The following EPHA4 variants were observed in gnomAD, a reference collection of about 807,000 sequenced individuals.
EPHA4 encodes the protein ephrin type-A receptor 4.
A neutral mutation model predicts 108.3 loss-of-function variants in EPHA4; 19 were observed. The ratio of observed to expected loss-of-function variants is 0.18; its 90% CI spans 0.12 to 0.26. EPHA4 has a LOEUF of 0.26. Among genes scored for constraint, EPHA4 ranks in the 10% least tolerant of loss-of-function variants. The probability of loss-of-function intolerance (pLI) is 1.00; values close to 1 mark genes in which losing one functional copy is unlikely to be tolerated. For missense variants in EPHA4, 917 were observed against 1,254.0 expected (o/e 0.73, Z 4.06); for synonymous variants, 449 against 455.5 (o/e 0.99, Z 0.18).
chr2:221,491,620 CTCA>C (rs1440433468), intron 4 of EPHA4, among the ~76,000 whole-genome samples: 1 of 152,072 alleles, frequency 6.6e-6, no homozygotes, highest in African/African-American at 2.4e-5. Flanking sequence ...TCAATTTCAC[CTCA>C]CTTCCCTGCC....
rs545540617 is a variant in EPHA4 at position 221,544,235 on chromosome 2, C to A, written c.823+19496G>T. Among the ~76,000 whole-genome samples, 98 of 152,322 alleles carry A rather than the reference C, an allele frequency of 6.4e-4. No individual in the cohort carries two copies. In the Middle Eastern group the frequency reaches 0.014, roughly 21 times the overall value. ...CAAGCTACACTGTTATCACAAGAAA[C>A]CCACACAGGTGTGAACACAGAAACC... On this transcript the variant is annotated intron_variant, in intron 3 of 17. Transcript: ENST00000281821.
At chr2:221,478,222 A>AC (rs1372520129) in intron 5 of EPHA4, among the ~76,000 whole-genome samples, 3 of 150,502 alleles carry the variant, frequency 2.0e-5, no homozygotes, top group Non-Finnish European at 3.0e-5. Context: ...CTTTTTAACA[A>AC]AAAAAAAATA....
At chr2:221,442,368 T>C (rs1039834206) in intron 11 of EPHA4, among the ~76,000 whole-genome samples, 1 of 152,178 alleles carries the variant, frequency 6.6e-6, no homozygotes. Context: ...GCAACAGCCA[T>C]AAATCAGGCA....
chr2:221,493,820 A>T (rs1181544141), intron 4 of EPHA4, among the ~76,000 whole-genome samples: 1 of 152,248 alleles, frequency 6.6e-6, no homozygotes, highest in Non-Finnish European at 1.5e-5. Flanking sequence ...TTGATAACGT[A>T]AACCTGGAGA....
At chr2:221,488,274 C>T (rs193228955) in intron 4 of EPHA4, among the ~76,000 whole-genome samples, 4 of 152,260 alleles carry the variant, frequency 2.6e-5, no homozygotes, top group Admixed American at 2.6e-4. Flanking sequence ...CTGGCACCCT[C>T]AGAATTCTGC....
chr2:221,482,327 A>G (rs1487565370), intron 5 of EPHA4, 25 bp downstream of exon 5: 2 of 1,551,224 alleles, frequency 1.3e-6, no homozygotes, highest in Admixed American at 3.6e-5. Context: ...TTCAGATCAT[A>G]CAATAAAGTA....
intron 5 of EPHA4, among the ~76,000 whole-genome samples, chr2:221,478,215 T>C (rs868674543): frequency 6.8e-6 from 1 of 146,472 alleles, no homozygotes; most frequent in South Asian, 2.2e-4. Context: ...TCACAGCCTT[T>C]TTAACAAAAA....
intron 3 of EPHA4, among the ~76,000 whole-genome samples, chr2:221,561,275 T>C (rs981578098): frequency 2.7e-5 from 4 of 150,096 alleles, no homozygotes; most frequent in Non-Finnish European, 4.4e-5. Context: ...ATAAATAAAG[T>C]CTCACTCAAG....
rs955544204 is a variant in EPHA4, at chr2:221,475,837, A to G, written c.1318+6515T>C. ...AAGCCAATATTCGTGGGTTGTCCCA[A>G]TCTGGAGGATTCGATTTGGCCCTTG... On this transcript the variant is annotated intron_variant, in intron 5 of 17. Transcript: ENST00000281821. Among the ~76,000 whole-genome samples, 3 of 152,240 alleles carry G rather than the reference A, an allele frequency of 2.0e-5. No homozygotes were observed. In the South Asian group the frequency reaches 6.2e-4, roughly 32 times the overall value.
At chr2:221,493,467 A>G (rs545654338) in intron 4 of EPHA4, among the ~76,000 whole-genome samples, 1 of 152,244 alleles carries the variant, frequency 6.6e-6, no homozygotes, top group African/African-American at 2.4e-5. Context: ...TAAAAAAATA[A>G]AAAAGGAAAA....
intron 4 of EPHA4, among the ~76,000 whole-genome samples, chr2:221,494,555 T>C (rs6746219): frequency 0.77 from 116,910 of 152,158 alleles, 45,790 homozygotes; most frequent in East Asian, 1. Context: ...TACAGTGAGC[T>C]GAGATAGCGC....
intron 5 of EPHA4, among the ~76,000 whole-genome samples, chr2:221,470,526 G>T (rs1377697384): frequency 6.6e-6 from 1 of 151,672 alleles, no homozygotes; most frequent in Non-Finnish European, 1.5e-5. Flanking sequence ...GTGGGTTTTA[G>T]TATCACTTTA....
rs748076314 is a variant in EPHA4 at position 221,564,214 on chromosome 2, C to T, written c.340G>A (p.Val114Ile). The change falls in exon 3 of 18, where the codon GTC becomes ATC. Residue 114 changes from valine (V) to isoleucine (I), a missense_variant. Transcript: ENST00000281821. ...AACGTCTCCTTGCAAGTCCCCATGA[C>T]GCCCGGAAGACTATTGCAGTCCCTC... is the stretch of plus-strand genomic sequence containing the variant. ...TLRDCNSLPGVMGTCKETFNL... is the reference protein window; with the variant it reads ...TLRDCNSLPGIMGTCKETFNL... The T allele has an allele frequency of 2.9e-5, 47 of 1,614,004 alleles. No individual in the cohort carries two copies. Among genetic ancestry groups the T allele is most frequent in the South Asian group, 1.8e-4 (16 of 91,086 alleles).
At chr2:221,480,067 C>T (rs1410071410) in intron 5 of EPHA4, among the ~76,000 whole-genome samples, 2 of 150,396 alleles carry the variant, frequency 1.3e-5, no homozygotes, top group Non-Finnish European at 3.0e-5. Flanking sequence ...ACCCCACCCC[C>T]GGAAATGTTT....
chr2:221,486,233 T>C (rs553396874), intron 4 of EPHA4, among the ~76,000 whole-genome samples: 1 of 152,368 alleles, frequency 6.6e-6, no homozygotes, highest in Admixed American at 6.5e-5. Flanking sequence ...AGGGTCATTG[T>C]GAATGGCAAG....
rs202113758 is a variant in EPHA4 at position 221,436,386 on chromosome 2, C to T, written c.2346+13G>A. 249 of 1,612,588 alleles carry T rather than the reference C, an allele frequency of 1.5e-4. 2 individuals carry two copies. In the South Asian group the frequency reaches 2.4e-3, roughly 16 times the overall value. On this transcript the variant is annotated intron_variant, in intron 13 of 17. Coordinates refer to ENST00000281821, the MANE Select transcript of EPHA4 (RefSeq NM_004438.5). ...ACCAGAGTGAAAGCCCAGATGTCAC[C>T]GATCTTTCTTACCCTGGTGGTGTAA...
chr2:221,462,152 T>C (rs1691165441), intron 5 of EPHA4, among the ~76,000 whole-genome samples: 2 of 152,152 alleles, frequency 1.3e-5, no homozygotes, highest in East Asian at 3.9e-4. Context: ...AATTCAGACA[T>C]GACACATAGC....
At chr2:221,526,584 C>A (rs916258836) in intron 3 of EPHA4, among the ~76,000 whole-genome samples, 2 of 151,706 alleles carry the variant, frequency 1.3e-5, no homozygotes, top group African/African-American at 4.8e-5. Flanking sequence ...CAGCGGTTCA[C>A]GCCTGTAATC....
intron 5 of EPHA4, among the ~76,000 whole-genome samples, chr2:221,463,692 C>T (rs185289858): frequency 6.6e-6 from 1 of 152,312 alleles, no homozygotes; most frequent in East Asian, 1.9e-4. Context: ...GTGAATGCTG[C>T]AATTTTCTTT....
Sources: gnomAD v4.1 joint callset for allele counts (sites outside exome capture counted in the v4.1 genomes callset) on GRCh38, gnomAD v4.1.1 for gene constraint, MANE v1.5 for transcripts, NCBI Gene and HGNC (gene_info 2026-07-23, HGNC 2026-07-21) for gene names.